Variants in ZIC4 observed in about 807,000 individuals in gnomAD.
ZIC4 encodes Zic family zinc finger 4.
A neutral mutation model predicts 28.8 loss-of-function variants in ZIC4; 15 were observed. The ratio of observed to expected loss-of-function variants is 0.52; its 90% CI spans 0.35 to 0.80. The LOEUF (loss-of-function observed/expected upper bound fraction) is 0.80, where lower values mean the gene tolerates loss of function less well. ZIC4 is among the 30% of genes least tolerant of loss of function. The pLI is 0.01. For missense variants in ZIC4, 512 were observed against 467.1 expected (o/e 1.10, Z -0.89); for synonymous variants, 220 against 198.1 (o/e 1.11, Z -0.93).
chr3:147,400,111 C>T (rs2087135236), intron 2 of ZIC4, among the ~76,000 whole-genome samples: 2 of 152,148 alleles, frequency 1.3e-5, no homozygotes, highest in African/African-American at 4.8e-5. Context: ...TTCTAATAGT[C>T]CAGTATTTGC....
intron 1 of ZIC4, chr3:147,405,502 C>G: frequency 6.5e-7 from 1 of 1,533,224 alleles, no homozygotes; most frequent in Non-Finnish European, 8.7e-7. Flanking sequence ...AACCTTTGAG[C>G]CAGTCCTAGC....
Position 147,388,817 on chromosome 3 carries a change from G to C in ZIC4, c.*42C>G. On this transcript the variant is annotated 3_prime_UTR_variant, in exon 5 of 5. Coordinates refer to ENST00000383075, the MANE Select transcript of ZIC4 (RefSeq NM_032153.6). ...GCAGGCGCGAGATGCGGGGCGCTCA[G>C]CTGCGCGGAGCGAGATTACCTTGCG... is the stretch of plus-strand genomic sequence containing the variant. 1 of 776,428 alleles carries C rather than the reference G, an allele frequency of 1.3e-6. No individual in the cohort carries two copies. The highest frequency in any genetic ancestry group is 2.4e-6 in the Non-Finnish European group (1 of 416,886). 48.1% of individuals were successfully genotyped at this position (776,428 alleles called of 1,614,324 possible). A position where few individuals can be genotyped will look rare whatever the true frequency, so the allele number is the denominator to read the frequency against.
intron 2 of ZIC4, chr3:147,397,078 G>GT (rs143830108): frequency 0.057 from 8,613 of 150,386 alleles, 325 homozygotes; most frequent in South Asian, 0.094. Flanking sequence ...CTTCTGTAAA[G>GT]TTTTTTTTTT....
chr3:147,401,421 G>T (rs920158988), intron 2 of ZIC4, among the ~76,000 whole-genome samples: 50 of 152,332 alleles, frequency 3.3e-4, no homozygotes, highest in African/African-American at 1.0e-3. Context: ...CAGGAGGTGG[G>T]CCTTACTCAG....
Position 147,391,184 on chromosome 3 carries a change from G to C in ZIC4, c.751C>G (p.Arg251Gly), listed in dbSNP as rs757672985. ...CERRFANSSD[R>G]KKHSHVHTSD... ...GTGTGCACGTGCGAATGCTTCTTAC[G>C]GTCGCTGCTGTTGGCGAAGCGCCGC... Residue 251 changes from arginine to glycine, a missense_variant, in exon 4 of 5, where the codon CGT (arginine) becomes GGT (glycine). Coordinates refer to ENST00000383075, the MANE Select transcript of ZIC4 (RefSeq NM_032153.6). 1.2e-6 allele frequency: 2 copies of C among 1,608,724 alleles called. No homozygotes were observed. The highest frequency in any genetic ancestry group is 8.5e-7 in the Non-Finnish European group (1 of 1,175,728).
Position 147,401,747 on chromosome 3 carries a change from A to G in ZIC4, c.70+981T>C, listed in dbSNP as rs535852317. On this transcript the variant is annotated intron_variant, in intron 2 of 4. Coordinates refer to ENST00000383075, the MANE Select transcript of ZIC4 (RefSeq NM_032153.6). ...AAAGAGGATATTCTTCTCCTCTGCT[A>G]TGGAAATTTGAGTTTTAAACATCAT... is the stretch of plus-strand genomic sequence containing the variant. Among the ~76,000 whole-genome samples, 3 of 152,372 alleles carry G rather than the reference A, an allele frequency of 2.0e-5. No homozygotes were observed. In the South Asian group the frequency reaches 6.2e-4, roughly 32 times the overall value.
rs375631022 is a variant in ZIC4 at position 147,390,967 on chromosome 3, G to T, written c.968C>A (p.Ala323Glu). 1 of 1,611,786 alleles carries T rather than the reference G, an allele frequency of 6.2e-7. No individual in the cohort carries two copies. Among genetic ancestry groups the T allele is most frequent in the African/African-American group, 1.3e-5 (1 of 74,918 alleles). Reference sequence around the variant, plus strand: ...GTCGGCGGTACGCGCCGCCACCGCCGCCGAGGAGGCCACCTGGGACTTGTG... The same window carrying T: ...GTCGGCGGTACGCGCCGCCACCGCCTCCGAGGAGGCCACCTGGGACTTGTG... The part of the protein sequence containing the change: ...CGHKSQVASS[A>E]AVAARTADLS... The change falls in exon 4 of 5, where the codon GCG (alanine) becomes GAG (glutamate). Residue 323 changes from alanine to glutamate, a missense_variant. Physicochemically the swap from Ala to Glu is moderately radical, Grantham distance 107. Coordinates refer to ENST00000383075, the MANE Select transcript of ZIC4 (RefSeq NM_032153.6).
At position 147,386,388 on chromosome 3, in the gene ZIC4, T is replaced by G. The variant is rs1037068678; in HGVS notation, c.*2471A>C. On this transcript the variant is annotated 3_prime_UTR_variant, in exon 5 of 5. Transcript: ENST00000383075. ...ATTATGATTACAAAATGTTTGCCTGTCTGTATAATTCACATTCATTGCAAT... is the reference window on the plus strand; with the variant it reads ...ATTATGATTACAAAATGTTTGCCTGGCTGTATAATTCACATTCATTGCAAT... 6.5e-6 allele frequency: 1 copy of G among 152,708 alleles called. No individual in the cohort carries two copies. The highest frequency in any genetic ancestry group is 2.4e-5 in the African/African-American group (1 of 41,474). 9.5% of individuals were successfully genotyped at this position (152,708 alleles called of 1,614,324 possible). A position where few individuals can be genotyped will look rare whatever the true frequency, so the allele number is the denominator to read the frequency against.
In ZIC4 at chr3:147,396,322, G is replaced by T; in HGVS notation, c.218C>A (p.Ala73Glu). 1 of 1,594,566 alleles carries T rather than the reference G, an allele frequency of 6.3e-7. No individual in the cohort carries two copies. Among genetic ancestry groups the T allele is most frequent in the African/African-American group, 1.3e-5 (1 of 74,134 alleles). The change falls in exon 3 of 5, where the codon GCG (alanine) becomes GAG (glutamate). Residue 73 changes from alanine (A) to glutamate (E), a missense_variant. This residue lies in a region of ZIC4 where 310 missense variants were observed against 256.5 expected (regional missense o/e 1.21). Coordinates refer to ENST00000383075, the MANE Select transcript of ZIC4 (RefSeq NM_032153.6). This position sits in a 1 kb window ranked among gnomAD's most constrained non-coding sequence, Gnocchi z 4.2. ...CCCTGGCGGGAAGGGCTCCGGCCGCGCGTACATGTCTCCAGGGAGCCCCAG... is the reference window on the plus strand; with the variant it reads ...CCCTGGCGGGAAGGGCTCCGGCCGCTCGTACATGTCTCCAGGGAGCCCCAG... The part of the protein sequence containing the change: ...LRLGLPGDMY[A>E]RPEPFPPGPA...
Position 147,396,631 on chromosome 3 carries a change from C to T in ZIC4, c.71-162G>A, listed in dbSNP as rs980178638. The stretch of plus-strand genomic sequence containing the variant: ...CCAGCAGTGAACCCGGTGGACAGAG[C>T]AAGGCCAAACACCTCCGCCGCCATT... On this transcript the variant is annotated intron_variant, in intron 2 of 4. Coordinates refer to ENST00000383075, the MANE Select transcript of ZIC4 (RefSeq NM_032153.6). The surrounding 1 kb of genome is among the most constrained non-coding windows in gnomAD (Gnocchi z 4.2). The T allele has an allele frequency of 8.7e-5, 75 of 860,010 alleles. No homozygotes were observed. The highest frequency in any genetic ancestry group is 1.1e-4 in the Non-Finnish European group (69 of 608,752). 53.3% of individuals were successfully genotyped at this position (860,010 alleles called of 1,614,324 possible).
chr3:147,395,969 G>A lies in ZIC4; in HGVS notation c.571C>T (p.Leu191Phe). ...QGKPFKAKYK[L>F]VNHIRVHTGE... ...GTGTGCACGCGGATGTGATTTACAA[G>A]TTTGTATTTGGCTTTGAAGGGCTTT... Residue 191 changes from leucine to phenylalanine, a missense_variant, in exon 3 of 5, where the codon CTT (leucine) becomes TTT (phenylalanine). Leu to Phe is a conservative substitution (Grantham distance 22). This residue lies in a region of ZIC4 where 58 missense variants were observed against 93.8 expected (regional missense o/e 0.62). Transcript: ENST00000383075. The A allele has an allele frequency of 6.2e-7, 1 of 1,614,250 alleles. No individual in the cohort carries two copies. Among genetic ancestry groups the A allele is most frequent in the Non-Finnish European group, 8.5e-7 (1 of 1,180,050 alleles).
chr3:147,392,793 C>A (rs566612132), intron 3 of ZIC4: 21 of 152,368 alleles, frequency 1.4e-4, no homozygotes, highest in African/African-American at 4.8e-4. Flanking sequence ...GCCCGGGTCT[C>A]CGGCACCACC....
chr3:147,391,027 G>T lies in ZIC4; in HGVS notation c.908C>A (p.Pro303Gln). 6.2e-7 allele frequency: 1 copy of T among 1,613,784 alleles called. No homozygotes were observed. Among genetic ancestry groups the T allele is most frequent in the Non-Finnish European group, 8.5e-7 (1 of 1,179,970 alleles). ...PPSSGYDSAT[P>Q]SALVSPSSDC... Reference sequence around the variant, plus strand: ...CGACGAGGGCGACACGAGGGCAGACGGTGTAGCCGAATCGTAGCCAGAGCT... The same window carrying T: ...CGACGAGGGCGACACGAGGGCAGACTGTGTAGCCGAATCGTAGCCAGAGCT... Residue 303 changes from proline to glutamine, a missense_variant, in exon 4 of 5, where the codon CCG becomes CAG. Transcript: ENST00000383075.
intron 3 of ZIC4, chr3:147,392,078 C>G: frequency 1.0e-6 from 1 of 985,578 alleles, no homozygotes; most frequent in Non-Finnish European, 1.2e-6. Context: ...CCTCCCAGTC[C>G]GCACTGACTT....
At chr3:147,395,395 A>G (rs2087017178) in intron 3 of ZIC4, among the ~76,000 whole-genome samples, 1 of 152,132 alleles carries the variant, frequency 6.6e-6, no homozygotes, top group Non-Finnish European at 1.5e-5. Context: ...CCCAACTCCT[A>G]AAGAAGGCTC....
At chr3:147,394,847 T>C (rs1328333218) in intron 3 of ZIC4, among the ~76,000 whole-genome samples, 1 of 152,146 alleles carries the variant, frequency 6.6e-6, no homozygotes, top group East Asian at 1.9e-4. Context: ...AGGAAGTTCT[T>C]TGACTCCAAC....
intron 3 of ZIC4, chr3:147,391,933 T>G (rs1333553335): frequency 1.0e-6 from 1 of 982,688 alleles, no homozygotes. Context: ...TTCTACCCCC[T>G]GAGGGCAAAC....
At chr3:147,391,342 G>T (rs2107965678) in intron 3 of ZIC4, 96 bp from the exon 4 acceptor site, 1 of 1,389,040 alleles carries the variant, frequency 7.2e-7, no homozygotes, top group Non-Finnish European at 9.6e-7. Context: ...TTCTGGAAAA[G>T]AACTACAAAA....
intron 3 of ZIC4, chr3:147,394,017 T>A: frequency 2.2e-6 from 1 of 453,782 alleles, no homozygotes. Flanking sequence ...TGAAACGCCA[T>A]TAATATTTGA....
Sources: gnomAD v4.1 joint callset for allele counts (sites outside exome capture counted in the v4.1 genomes callset) on GRCh38, gnomAD v4.1.1 for gene constraint, gnomAD v4.1.1 regional missense constraint, Gnocchi (gnomAD v3.1) non-coding constraint, MANE v1.5 for transcripts, NCBI Gene and HGNC (gene_info 2026-07-23, HGNC 2026-07-21) for gene names.